Variants in PDE1C observed in about 807,000 individuals in gnomAD.
PDE1C encodes the protein phosphodiesterase 1C.
In PDE1C, 62 loss-of-function variants were observed where a neutral mutation model predicts 93.1. The observed-to-expected ratio is 0.67, with a 90% CI of 0.54 to 0.82. The LOEUF (loss-of-function observed/expected upper bound fraction) is 0.82. Ranked by LOEUF, PDE1C falls within the 40% of genes least tolerant of loss-of-function variation. PDE1C has a pLI of 0.00. For missense variants in PDE1C, 742 were observed against 884.6 expected (o/e 0.84, Z 2.04); for synonymous variants, 325 against 310.1 (o/e 1.05, Z -0.50).
At chr7:32,240,496 G>T (rs1808465619) in intron 1 of PDE1C, among the ~76,000 whole-genome samples, 2 of 152,130 alleles carry the variant, frequency 1.3e-5, no homozygotes, top group Non-Finnish European at 2.9e-5. Flanking sequence ...CAGGGTTAAG[G>T]GTATAGAGAG....
intron 1 of PDE1C, among the ~76,000 whole-genome samples, chr7:32,312,060 C>T (rs1434207300): frequency 1.3e-5 from 2 of 150,834 alleles, no homozygotes; most frequent in Admixed American, 6.6e-5. Flanking sequence ...AGCAAAGTCT[C>T]AGGATACAAA....
chr7:32,001,272 T>G (rs767346985), intron 2 of PDE1C, among the ~76,000 whole-genome samples: 4 of 152,246 alleles, frequency 2.6e-5, no homozygotes, highest in African/African-American at 9.6e-5. Context: ...TTACTATGCA[T>G]GTATACTATT....
At chr7:31,840,129 C>A (rs1398967659) in intron 9 of PDE1C, among the ~76,000 whole-genome samples, 1 of 152,148 alleles carries the variant, frequency 6.6e-6, no homozygotes, top group East Asian at 1.9e-4. Context: ...TTCAGTTTTT[C>A]TTTGCCTCCT....
the PDE1C span, among the ~76,000 whole-genome samples, chr7:31,632,485 G>C: frequency 6.6e-6 from 1 of 152,058 alleles, no homozygotes; most frequent in Non-Finnish European, 1.5e-5. Context: ...ATCCATGACA[G>C]GATGGAACCA....
chr7:31,760,957 G>A (rs1001011254), intron 17 of PDE1C, among the ~76,000 whole-genome samples: 1 of 152,184 alleles, frequency 6.6e-6, no homozygotes, highest in East Asian at 1.9e-4. Flanking sequence ...CCATCCAGGA[G>A]TTTTGAACTG....
chr7:31,780,313 G>C (rs1783308389), intron 16 of PDE1C, among the ~76,000 whole-genome samples: 2 of 152,314 alleles, frequency 1.3e-5, no homozygotes, highest in East Asian at 3.9e-4. Flanking sequence ...CCTCACGGAT[G>C]TGAATCTTGT....
At chr7:32,349,513 T>C (rs1783918090) in intron 1 of PDE1C, among the ~76,000 whole-genome samples, 1 of 152,252 alleles carries the variant, frequency 6.6e-6, no homozygotes, top group Non-Finnish European at 1.5e-5. Flanking sequence ...TTTTGCACTC[T>C]CTGGAGAGGT....
intron 1 of PDE1C, among the ~76,000 whole-genome samples, chr7:32,424,654 A>G (rs1275251213): frequency 6.6e-6 from 1 of 152,034 alleles, no homozygotes; most frequent in Non-Finnish European, 1.5e-5. Flanking sequence ...AAAAATAGAT[A>G]TATATAAATT....
At chr7:31,870,697 C>G (rs1046857503) in intron 6 of PDE1C, among the ~76,000 whole-genome samples, 1 of 151,998 alleles carries the variant, frequency 6.6e-6, no homozygotes, top group African/African-American at 2.4e-5. Flanking sequence ...AACATCAGTT[C>G]TCCTCAAACT....
chr7:32,356,028 A>T (rs1233668574), intron 1 of PDE1C, among the ~76,000 whole-genome samples: 1 of 152,244 alleles, frequency 6.6e-6, no homozygotes, highest in East Asian at 1.9e-4. Flanking sequence ...ATATCTTGAC[A>T]GATAATTGGA....
At chr7:31,870,978 T>C (rs1442741079) in intron 6 of PDE1C, among the ~76,000 whole-genome samples, 1 of 151,340 alleles carries the variant, frequency 6.6e-6, no homozygotes, top group Non-Finnish European at 1.5e-5. Flanking sequence ...TAATAGTATA[T>C]TTTTATACTA....
intron 3 of PDE1C, among the ~76,000 whole-genome samples, chr7:32,108,651 A>C (rs2128754040): frequency 6.6e-6 from 1 of 152,292 alleles, no homozygotes; most frequent in South Asian, 2.1e-4. Context: ...CATTTGACAC[A>C]AAACCCGTAT....
At chr7:32,292,700 G>A (rs1280052391) in intron 1 of PDE1C, among the ~76,000 whole-genome samples, 1 of 152,140 alleles carries the variant, frequency 6.6e-6, no homozygotes, top group Non-Finnish European at 1.5e-5. Context: ...GTTATATTCT[G>A]GACTCTACTC....
chr7:32,159,555 T>C (rs1460037260), intron 3 of PDE1C, among the ~76,000 whole-genome samples: 5 of 152,162 alleles, frequency 3.3e-5, no homozygotes, highest in Non-Finnish European at 1.5e-5. Context: ...TATTTCCCAG[T>C]GTAGAGTCCC....
intron 2 of PDE1C, among the ~76,000 whole-genome samples, chr7:31,935,335 A>C (rs938328153): frequency 1.3e-5 from 2 of 152,168 alleles, no homozygotes; most frequent in Admixed American, 1.3e-4. Context: ...TTACAAATTA[A>C]GTCAGTTATT....
intron 2 of PDE1C, among the ~76,000 whole-genome samples, chr7:32,025,502 T>C (rs1789292759): frequency 6.6e-6 from 1 of 152,092 alleles, no homozygotes; most frequent in South Asian, 2.1e-4. Flanking sequence ...GAGAAGCTGA[T>C]CCCAGCAAGG....
intron 17 of PDE1C, among the ~76,000 whole-genome samples, chr7:31,756,529 A>G (rs534273269): frequency 6.6e-6 from 1 of 152,288 alleles, no homozygotes; most frequent in African/African-American, 2.4e-5. Context: ...GGACCCTGGG[A>G]CAGAAAAATG....
chr7:32,401,748 G>C (rs1457898242), intron 1 of PDE1C, among the ~76,000 whole-genome samples: 1 of 152,098 alleles, frequency 6.6e-6, no homozygotes. Flanking sequence ...CAGAAGTAGA[G>C]GCTACATCCA....
At chr7:32,063,193 C>T (rs1189310018) in intron 1 of PDE1C, among the ~76,000 whole-genome samples, 2 of 152,246 alleles carry the variant, frequency 1.3e-5, no homozygotes, top group Non-Finnish European at 2.9e-5. Flanking sequence ...CTGTCCCAGT[C>T]TATTGTAATG....
Sources: allele counts gnomAD v4.1 joint callset (sites outside exome capture counted in the v4.1 genomes callset), GRCh38; gene constraint gnomAD v4.1.1; transcripts MANE v1.5; gene names NCBI Gene and HGNC (gene_info 2026-07-23, HGNC 2026-07-21).